Variants in PIAS4 observed in about 807,000 individuals in gnomAD.
The protein encoded by PIAS4 is E3 SUMO-protein ligase PIAS4.
PIAS4 carries 7 observed loss-of-function variants against 58.0 expected under a neutral mutation model. The observed-to-expected ratio is 0.12, with a 90% CI of 0.07 to 0.23. PIAS4 has a LOEUF of 0.23. Among genes scored for constraint, PIAS4 ranks in the 10% least tolerant of loss-of-function variants. The pLI, the probability that PIAS4 is intolerant of heterozygous loss-of-function variation, is 1.00. For synonymous variants in PIAS4, 364 were observed against 312.4 expected, an observed-to-expected ratio of 1.17 and a Z score of -1.74; for missense variants, 550 against 709.5, an observed-to-expected ratio of 0.78 and a Z score of 2.55.
intron 4 of PIAS4, 44 bp downstream of exon 4, chr19:4,028,231 C>T: frequency 6.7e-7 from 1 of 1,500,436 alleles, no homozygotes; most frequent in Non-Finnish European, 9.1e-7. Context: ...GACCCCCAGC[C>T]ACCCGCCCCT....
In PIAS4 at chr19:4,032,967, C is replaced by T. The variant is rs948504274; in HGVS notation, c.908-133C>T. 4 of 706,300 alleles carry T rather than the reference C, an allele frequency of 5.7e-6. No homozygotes were observed. In the Admixed American group the frequency reaches 7.1e-5, roughly 13 times the overall value. 43.8% of individuals were successfully genotyped at this position (706,300 alleles called of 1,614,324 possible). A position where few individuals can be genotyped will look rare whatever the true frequency, so the allele number is the denominator to read the frequency against. On this transcript the variant is annotated intron_variant, in intron 7 of 10. Coordinates refer to ENST00000262971, the MANE Select transcript of PIAS4 (RefSeq NM_015897.4). ...CAATCCCTCACGGCCCCGAGCCACA[C>T]AGCGAAGCTTGGGACTCATCGTCAG...
chr19:4,013,285 A>G lies in PIAS4; in HGVS notation c.390A>G (p.Glu130=), dbSNP rs1354998865. 12 of 1,613,146 alleles carry G rather than the reference A, an allele frequency of 7.4e-6. No homozygotes were observed. The highest frequency in any genetic ancestry group is 1.3e-5 in the African/African-American group (1 of 74,924). The change falls in exon 2 of 11, where the codon GAA becomes GAG. Residue 130 remains glutamate, a synonymous_variant. Coordinates refer to ENST00000262971, the MANE Select transcript of PIAS4 (RefSeq NM_015897.4). This position sits in a 1 kb window ranked among gnomAD's most constrained non-coding sequence, Gnocchi z 5.1. ...TGCCCGCCAAGACCCTCAAGCCAGAAGTCCGCCTGGTGAAGCTGCCGTTCT... is the reference window on the plus strand; with the variant it reads ...TGCCCGCCAAGACCCTCAAGCCAGAGGTCCGCCTGGTGAAGCTGCCGTTCT... ...GRLPAKTLKP[E]VRLVKLPFFN... is the part of the protein sequence containing the mutation.
At chr19:4,030,588 C>T (rs1409641605) in intron 7 of PIAS4, among the ~76,000 whole-genome samples, 2 of 150,736 alleles carry the variant, frequency 1.3e-5, no homozygotes, top group Non-Finnish European at 2.9e-5. Context: ...CACTGCACTC[C>T]AGCCTGGGTG....
At chr19:4,016,132 G>T (rs1377354648) in intron 2 of PIAS4, among the ~76,000 whole-genome samples, 7 of 152,248 alleles carry the variant, frequency 4.6e-5, no homozygotes, top group African/African-American at 9.6e-5. Context: ...CTGCCTGTCG[G>T]CAAGGAAGCC....
intron 2 of PIAS4, among the ~76,000 whole-genome samples, chr19:4,014,344 C>T (rs940991665): frequency 6.6e-6 from 1 of 152,192 alleles, no homozygotes; most frequent in Non-Finnish European, 1.5e-5. Flanking sequence ...GCATTGAGCC[C>T]AGTCTCTGCC....
chr19:4,020,918 G>T (rs1022307370), intron 2 of PIAS4, among the ~76,000 whole-genome samples: 6 of 152,172 alleles, frequency 3.9e-5, no homozygotes, highest in Admixed American at 3.9e-4. Context: ...TTCTTTGAAC[G>T]CATGTTTCCA....
At chr19:4,009,565 C>G (rs958967931) in intron 1 of PIAS4, among the ~76,000 whole-genome samples, 2 of 144,060 alleles carry the variant, frequency 1.4e-5, no homozygotes, top group African/African-American at 2.6e-5. Flanking sequence ...GGTGGCTGGG[C>G]CCCCCCCCAC....
intron 2 of PIAS4, among the ~76,000 whole-genome samples, chr19:4,018,275 C>T (rs564666587): frequency 6.6e-6 from 1 of 152,246 alleles, no homozygotes; most frequent in Admixed American, 6.5e-5. Context: ...CCGCCTTCTC[C>T]CTTTGCATGT....
Position 4,028,746 on chromosome 19 carries a change from G to C in PIAS4, c.699G>C (p.Gly233=), listed in dbSNP as rs2040193608. 2 of 1,612,820 alleles carry C rather than the reference G, an allele frequency of 1.2e-6. No individual in the cohort carries two copies. The highest frequency in any genetic ancestry group is 2.2e-5 in the East Asian group (1 of 44,864). ...GCTACTACCCCTCCAATAAGCCCGG[G>C]GTGGAGCCCAAGAGGCCGTGCCGCC... The part of the protein sequence containing the change: ...VPGYYPSNKP[G]VEPKRPCRPI... Residue 233 remains glycine (G), a synonymous_variant, in exon 6 of 11, where the codon GGG becomes GGC. Coordinates refer to ENST00000262971, the MANE Select transcript of PIAS4 (RefSeq NM_015897.4).
intron 1 of PIAS4, among the ~76,000 whole-genome samples, chr19:4,008,489 C>G (rs972648972): frequency 2.0e-5 from 3 of 152,146 alleles, no homozygotes; most frequent in Non-Finnish European, 2.9e-5. Context: ...TCTCACACGC[C>G]GGAGTGGGCG....
At chr19:4,022,546 T>G (rs151048556) in intron 2 of PIAS4, among the ~76,000 whole-genome samples, 2,459 of 151,754 alleles carry the variant, frequency 0.016, 32 homozygotes, top group African/African-American at 0.032. Context: ...TTTTGTATTT[T>G]TAGTAGAGAT....
chr19:4,020,290 G>A (rs1274226716), intron 2 of PIAS4, among the ~76,000 whole-genome samples: 1 of 152,156 alleles, frequency 6.6e-6, no homozygotes, highest in Non-Finnish European at 1.5e-5. Flanking sequence ...TCCGGTTCTT[G>A]TAAAGGCCCT....
chr19:4,023,211 GC>G (rs1255202316), intron 2 of PIAS4, among the ~76,000 whole-genome samples: 1 of 150,506 alleles, frequency 6.6e-6, no homozygotes, highest in Non-Finnish European at 1.5e-5. Flanking sequence ...GGGCACAGTG[GC>G]TCACGCCTGT....
Position 4,028,521 on chromosome 19 carries a change from C to T in PIAS4, c.593C>T (p.Ser198Leu). The T allele has an allele frequency of 6.2e-7, 1 of 1,612,630 alleles. No homozygotes were observed. The highest frequency in any genetic ancestry group is 1.1e-5 in the South Asian group (1 of 91,002). The part of the protein sequence containing the change: ...AVQVVLRICY[S>L]DTSCPQEDQY... ...TGTTGTCGTTGCAGAATCTGTTACT[C>T]AGACACCAGCTGCCCTCAGGAGGAC... The change falls in exon 5 of 11, where the codon TCA (serine) becomes TTA (leucine). Residue 198 changes from serine to leucine, a missense_variant. By Grantham distance (145) the Ser-to-Leu change is moderately radical. Around this residue, in one of 4 missense-constraint regions of PIAS4, gnomAD observed 225 missense variants for 345.8 expected, o/e 0.65. Transcript: ENST00000262971.
chr19:4,008,496 G>C (rs1265076762), intron 1 of PIAS4, among the ~76,000 whole-genome samples: 1 of 152,164 alleles, frequency 6.6e-6, no homozygotes, highest in Non-Finnish European at 1.5e-5. Context: ...CGCCGGAGTG[G>C]GCGCTTGGGG....
intron 7 of PIAS4, among the ~76,000 whole-genome samples, chr19:4,030,355 C>T (rs2040212138): frequency 1.5e-5 from 2 of 131,842 alleles, no homozygotes; most frequent in Admixed American, 1.5e-4. Context: ...CGCAGTGGCT[C>T]ACACCTGTAA....
chr19:4,033,058 G>C (rs565676977), intron 7 of PIAS4, 42 bp from the exon 8 acceptor site: 21 of 1,554,944 alleles, frequency 1.4e-5, no homozygotes, highest in Admixed American at 3.4e-5. Flanking sequence ...GCGCCCTGCT[G>C]TTCCCACCCT....
intron 7 of PIAS4, among the ~76,000 whole-genome samples, chr19:4,032,898 C>G (rs557946936): frequency 6.6e-6 from 1 of 152,314 alleles, no homozygotes; most frequent in African/African-American, 2.4e-5. Flanking sequence ...GTGCTGTGCC[C>G]AGGTTGTGGT....
chr19:4,036,010 CCTTCACA>C (rs2040276722), intron 9 of PIAS4, among the ~76,000 whole-genome samples: 1 of 142,000 alleles, frequency 7.0e-6, no homozygotes, highest in Non-Finnish European at 1.6e-5. Context: ...ACAGTCCACA[CCTTCACA>C]CATCCATACA....
Sources: gnomAD v4.1 joint callset for allele counts (sites outside exome capture counted in the v4.1 genomes callset) on GRCh38, gnomAD v4.1.1 for gene constraint, gnomAD v4.1.1 regional missense constraint, Gnocchi (gnomAD v3.1) non-coding constraint, MANE v1.5 for transcripts, NCBI Gene and HGNC (gene_info 2026-07-23, HGNC 2026-07-21) for gene names.